Variants in CMTM8 observed in about 807,000 individuals in gnomAD.
CMTM8 encodes the protein CKLF-like MARVEL transmembrane domain-containing protein 8.
CMTM8 carries 12 observed loss-of-function variants against 18.6 expected under a neutral mutation model. The ratio of observed to expected loss-of-function variants is 0.65; its 90% confidence interval spans 0.41 to 1.05. The LOEUF is 1.05. Ranked by LOEUF, CMTM8 falls within the 50% of genes least tolerant of loss-of-function variation. The pLI, the probability that CMTM8 is intolerant of heterozygous loss-of-function variation, is 0.00. For synonymous variants in CMTM8, 87 were observed against 90.6 expected, an observed-to-expected ratio of 0.96 and a Z score of 0.23; for missense variants, 217 against 227.2, an observed-to-expected ratio of 0.95 and a Z score of 0.29.
Position 32,238,856 on chromosome 3 carries a change from C to G in CMTM8, c.-117C>G. 4.1e-6 allele frequency: 4 copies of G among 976,714 alleles called. No individual in the cohort carries two copies. Among genetic ancestry groups the G allele is most frequent in the Non-Finnish European group, 5.4e-6 (4 of 740,992 alleles). 60.5% of individuals were successfully genotyped at this position (976,714 alleles called of 1,614,324 possible). A position where few individuals can be genotyped will look rare whatever the true frequency, so the allele number is the denominator to read the frequency against. ...CGGGCGCCCCCCTCGCACCTCCTGC[C>G]CCGCGCGGGCCGCGCTCCCCTCCCC... On this transcript the variant is annotated 5_prime_UTR_variant, in exon 1 of 4. Transcript: ENST00000307526.
chr3:32,263,505 A>G (rs1702287232), intron 1 of CMTM8, among the ~76,000 whole-genome samples: 1 of 152,166 alleles, frequency 6.6e-6, no homozygotes. Flanking sequence ...GGGGAAAAAA[A>G]CGAGCAGAAA....
At chr3:32,322,162 A>G in intron 1 of CMTM8, among the ~76,000 whole-genome samples, 1 of 152,348 alleles carries the variant, frequency 6.6e-6, no homozygotes, top group East Asian at 1.9e-4. Context: ...GGAAAACCAC[A>G]GGTCCCAGAG....
chr3:32,361,286 G>GTTTTTTTTTTGT (rs58364646), intron 2 of CMTM8, among the ~76,000 whole-genome samples: 3 of 87,268 alleles, frequency 3.4e-5, no homozygotes, highest in African/African-American at 1.2e-4. Flanking sequence ...CAGCCTAAGA[G>GTTTTTTTTTTGT]TTTTTTTTTC....
intron 1 of CMTM8, among the ~76,000 whole-genome samples, chr3:32,250,150 C>T (rs1575145196): frequency 6.6e-6 from 1 of 152,138 alleles, no homozygotes; most frequent in Non-Finnish European, 1.5e-5. Context: ...ATTGAATTAT[C>T]TTGGCACTCT....
intron 1 of CMTM8, among the ~76,000 whole-genome samples, chr3:32,278,147 G>C: frequency 6.6e-6 from 1 of 152,212 alleles, no homozygotes; most frequent in East Asian, 1.9e-4. Flanking sequence ...GTAGGATGGA[G>C]AAGTAGAGGA....
chr3:32,310,619 A>C (rs1695801376), intron 1 of CMTM8, among the ~76,000 whole-genome samples: 1 of 152,216 alleles, frequency 6.6e-6, no homozygotes, highest in Non-Finnish European at 1.5e-5. Flanking sequence ...TCCTCCCAGG[A>C]ACCTGAGAAT....
chr3:32,341,406 T>C (rs1001691304), intron 1 of CMTM8, among the ~76,000 whole-genome samples: 2 of 152,214 alleles, frequency 1.3e-5, no homozygotes, highest in Non-Finnish European at 2.9e-5. Context: ...GGCAGGCTTA[T>C]GGTCTGCCAA....
chr3:32,283,944 A>C (rs1227173235), intron 1 of CMTM8, among the ~76,000 whole-genome samples: 1 of 152,238 alleles, frequency 6.6e-6, no homozygotes, highest in East Asian at 1.9e-4. Flanking sequence ...AGTATACATA[A>C]ACCCACACAC....
intron 1 of CMTM8, among the ~76,000 whole-genome samples, chr3:32,288,800 G>A (rs761084967): frequency 1.3e-5 from 2 of 152,076 alleles, no homozygotes; most frequent in Non-Finnish European, 2.9e-5. Flanking sequence ...ATATCTGGCC[G>A]CAGCTGTCAT....
intron 1 of CMTM8, among the ~76,000 whole-genome samples, chr3:32,353,766 TAATATACTTCTGTGTTAA>T (rs1402687457): frequency 6.6e-6 from 1 of 151,446 alleles, no homozygotes; most frequent in African/African-American, 2.4e-5. Context: ...TGTCATTTCT[TAATATACTTCTGTGTTAA>T]TTTTTTTTTT....
At chr3:32,355,241 C>G (rs965436839) in intron 1 of CMTM8, among the ~76,000 whole-genome samples, 2 of 152,138 alleles carry the variant, frequency 1.3e-5, no homozygotes, top group Non-Finnish European at 2.9e-5. Flanking sequence ...TCTTCTAATC[C>G]CTATTTGAAG....
In CMTM8 at chr3:32,238,956, C is replaced by T; in HGVS notation, c.-17C>T. Reference sequence around the variant, plus strand: ...CCGGGGTCCCTGGGGACGCGCCAGCCCGGCAGTGGCTCGACGATGGAGGAG... The same window carrying T: ...CCGGGGTCCCTGGGGACGCGCCAGCTCGGCAGTGGCTCGACGATGGAGGAG... On this transcript the variant is annotated 5_prime_UTR_variant, in exon 1 of 4. Coordinates refer to ENST00000307526, the MANE Select transcript of CMTM8 (RefSeq NM_178868.5). 1.3e-6 allele frequency: 2 copies of T among 1,544,774 alleles called. No homozygotes were observed. The highest frequency in any genetic ancestry group is 1.7e-6 in the Non-Finnish European group (2 of 1,144,268).
chr3:32,265,049 C>T (rs1312357778), intron 1 of CMTM8, among the ~76,000 whole-genome samples: 6 of 152,128 alleles, frequency 3.9e-5, no homozygotes, highest in African/African-American at 1.4e-4. Flanking sequence ...ATCAACAAGA[C>T]ACAAAGTTAA....
chr3:32,301,318 C>G (rs1695611800), intron 1 of CMTM8, among the ~76,000 whole-genome samples: 1 of 151,688 alleles, frequency 6.6e-6, no homozygotes, highest in Non-Finnish European at 1.5e-5. Context: ...TATGCATACT[C>G]TATATGAGTC....
intron 1 of CMTM8, among the ~76,000 whole-genome samples, chr3:32,276,375 T>C (rs1276207060): frequency 6.6e-6 from 1 of 152,194 alleles, no homozygotes; most frequent in Non-Finnish European, 1.5e-5. Flanking sequence ...AACATGATTG[T>C]TTTTATTCTC....
intron 1 of CMTM8, among the ~76,000 whole-genome samples, chr3:32,286,078 G>A (rs80019885): frequency 0.094 from 14,357 of 152,194 alleles, 759 homozygotes; most frequent in South Asian, 0.15. Flanking sequence ...CTCAACTTCC[G>A]GAGGCGGCAG....
At position 32,300,653 on chromosome 3, in the gene CMTM8, T is replaced by C. The variant is rs920819393; in HGVS notation, c.148-56720T>C. 3.9e-5 allele frequency among the ~76,000 whole-genome samples: 6 copies of C among 152,232 alleles called. No individual in the cohort carries two copies. The South Asian group carries it at 8.3e-4, about 21-fold the overall frequency. ...ATTTCATAGCATTTTCATATTTCAT[T>C]TTATGTTATAAAATATTCTTTTAGG... On this transcript the variant is annotated intron_variant, in intron 1 of 3. Coordinates refer to ENST00000307526, the MANE Select transcript of CMTM8 (RefSeq NM_178868.5).
chr3:32,310,044 T>C (rs1278880207), intron 1 of CMTM8, among the ~76,000 whole-genome samples: 1 of 152,134 alleles, frequency 6.6e-6, no homozygotes. Flanking sequence ...GGAAGCAAAT[T>C]AAGGACATCT....
At position 32,333,255 on chromosome 3, in the gene CMTM8, A is replaced by G. The variant is rs998156628; in HGVS notation, c.148-24118A>G. Among the ~76,000 whole-genome samples, 5 of 152,308 alleles carry G rather than the reference A, an allele frequency of 3.3e-5. No individual in the cohort carries two copies. In the South Asian group the frequency reaches 1.0e-3, roughly 32 times the overall value. ...CAAAATATTCTTTTGATTTTTTCCA[A>G]CTGTTTAAAACCCCTTGTAGCTTGT... On this transcript the variant is annotated intron_variant, in intron 1 of 3. Coordinates refer to ENST00000307526, the MANE Select transcript of CMTM8 (RefSeq NM_178868.5).
Sources: gnomAD v4.1 joint callset for allele counts (sites outside exome capture counted in the v4.1 genomes callset) on GRCh38, gnomAD v4.1.1 for gene constraint, MANE v1.5 for transcripts, NCBI Gene and HGNC (gene_info 2026-07-23, HGNC 2026-07-21) for gene names.